The following TSPAN9 variants were observed in gnomAD, a reference collection of about 807,000 sequenced individuals.
TSPAN9 encodes the protein tetraspanin-9.
TSPAN9 carries 16 observed loss-of-function variants against 31.0 expected under a neutral mutation model. The ratio of observed to expected loss-of-function variants is 0.52; its 90% CI spans 0.35 to 0.78. TSPAN9 has a LOEUF of 0.78. TSPAN9 is among the 30% of genes least tolerant of loss of function. The pLI is 0.01. For missense variants in TSPAN9, 272 were observed against 312.5 expected, an observed-to-expected ratio of 0.87 and a Z score of 0.98; for synonymous variants, 145 against 121.6, an observed-to-expected ratio of 1.19 and a Z score of -1.27.
intron 2 of TSPAN9, among the ~76,000 whole-genome samples, chr12:3,115,820 T>G (rs10774120): frequency 3.3e-5 from 5 of 151,856 alleles, no homozygotes; most frequent in African/African-American, 1.2e-4. Context: ...TCTGTAGCAC[T>G]GGGTCATACG....
At chr12:3,262,626 C>T (rs1387341053) in intron 3 of TSPAN9, among the ~76,000 whole-genome samples, 1 of 151,726 alleles carries the variant, frequency 6.6e-6, no homozygotes, top group African/African-American at 2.4e-5. Flanking sequence ...TTATCCTTAC[C>T]GTGTAGGGGT....
chr12:3,136,738 C>T (rs576698577), intron 2 of TSPAN9, among the ~76,000 whole-genome samples: 1 of 152,152 alleles, frequency 6.6e-6, no homozygotes, highest in Non-Finnish European at 1.5e-5. Flanking sequence ...CCTGCCCAGC[C>T]AGTAAGTAAA....
rs1458589905 is a variant in TSPAN9, at chr12:3,143,839, C to T, written c.-17-57338C>T. 6.6e-6 allele frequency among the ~76,000 whole-genome samples: 1 copy of T among 152,186 alleles called. No homozygotes were observed. The highest frequency in any genetic ancestry group is 2.4e-5 in the African/African-American group (1 of 41,438). On this transcript the variant is annotated intron_variant, in intron 2 of 8. Coordinates refer to ENST00000011898, the MANE Select transcript of TSPAN9 (RefSeq NM_006675.5). This position sits in a 1 kb window ranked among gnomAD's most constrained non-coding sequence, Gnocchi z 4.2. ...GGGTCGTGTTATGTTTCTCCTGCCC[C>T]AGGCCTGAATCAATCACTTCTCTAA...
chr12:3,216,175 T>C (rs1188561907), intron 3 of TSPAN9, among the ~76,000 whole-genome samples: 2 of 151,862 alleles, frequency 1.3e-5, no homozygotes, highest in Non-Finnish European at 2.9e-5. Flanking sequence ...CTCTGGGAGC[T>C]GGGGAGTCTG....
intron 3 of TSPAN9, among the ~76,000 whole-genome samples, chr12:3,256,713 G>A (rs928008385): frequency 6.6e-6 from 1 of 152,118 alleles, no homozygotes; most frequent in Non-Finnish European, 1.5e-5. Context: ...TCTTTCGGGG[G>A]ACTACAGAAA....
At chr12:3,154,825 T>G (rs1296579410) in intron 2 of TSPAN9, among the ~76,000 whole-genome samples, 1 of 152,240 alleles carries the variant, frequency 6.6e-6, no homozygotes, top group African/African-American at 2.4e-5. Context: ...CTGCCATGAT[T>G]CCATGACTGC....
chr12:3,150,249 A>G (rs1316916934), intron 2 of TSPAN9, among the ~76,000 whole-genome samples: 1 of 152,044 alleles, frequency 6.6e-6, no homozygotes, highest in African/African-American at 2.4e-5. Flanking sequence ...TACCCTTTTT[A>G]TGTGTATTTG....
rs1217875012 is a variant in TSPAN9, at chr12:3,168,553, G to C, written c.-17-32624G>C. ...TGCCAGAGCTGGGGGGCGGTGGGGA[G>C]CTGACTTACTTTCTCTTTGCCCCCC... On this transcript the variant is annotated intron_variant, in intron 2 of 8. Transcript: ENST00000011898. The surrounding 1 kb of genome is among the most constrained non-coding windows in gnomAD (Gnocchi z 4.0). Among the ~76,000 whole-genome samples, 1 of 152,160 alleles carries C rather than the reference G, an allele frequency of 6.6e-6. No homozygotes were observed. The highest frequency in any genetic ancestry group is 1.5e-5 in the Non-Finnish European group (1 of 68,032).
chr12:3,105,966 C>T (rs534052679), intron 2 of TSPAN9, among the ~76,000 whole-genome samples: 1 of 152,212 alleles, frequency 6.6e-6, no homozygotes, highest in Admixed American at 6.5e-5. Context: ...CTCACGTGCT[C>T]ATTCGTATGT....
chr12:3,182,400 G>A (rs2098358956), intron 2 of TSPAN9, among the ~76,000 whole-genome samples: 1 of 151,982 alleles, frequency 6.6e-6, no homozygotes, highest in Admixed American at 6.6e-5. Context: ...TGATGGCCTT[G>A]TTCTTGGCCT....
chr12:3,226,872 A>G (rs2153975630), intron 3 of TSPAN9, among the ~76,000 whole-genome samples: 1 of 145,156 alleles, frequency 6.9e-6, no homozygotes, highest in African/African-American at 2.6e-5. Context: ...AGCTGGGACA[A>G]CAGGCATACA....
At chr12:3,199,780 C>G (rs962297807) in intron 2 of TSPAN9, among the ~76,000 whole-genome samples, 5 of 152,236 alleles carry the variant, frequency 3.3e-5, no homozygotes, top group African/African-American at 1.2e-4. Flanking sequence ...CGCAGAGGCC[C>G]CCGGCGCTTT....
rs78593284 is a variant in TSPAN9, at chr12:3,099,525, C to T, written c.-18+15806C>T. Among the ~76,000 whole-genome samples, 1,394 of 152,246 alleles carry T rather than the reference C, an allele frequency of 9.2e-3. 27 individuals are homozygous for T. The highest frequency in any genetic ancestry group is 0.032 in the African/African-American group (1,315 of 41,546). ...GGGTTTGTTCTGTTGACTGATTTTT[C>T]TGTTTATGATTTTTCTCCTCCATAT... On this transcript the variant is annotated intron_variant, in intron 2 of 8. Transcript: ENST00000011898.
At chr12:3,145,238 T>C (rs73050153) in intron 2 of TSPAN9, among the ~76,000 whole-genome samples, 25,828 of 152,252 alleles carry the variant, frequency 0.17, 2,435 homozygotes, top group Non-Finnish European at 0.22. Context: ...TCTAGACTCT[T>C]GAGCACGTGC....
intron 3 of TSPAN9, among the ~76,000 whole-genome samples, chr12:3,277,792 C>G (rs1862817161): frequency 6.6e-6 from 1 of 152,194 alleles, no homozygotes; most frequent in South Asian, 2.1e-4. Flanking sequence ...GTGGTGAAGG[C>G]AGCCGTGGAC....
rs534771128 is a variant in TSPAN9, at chr12:3,086,113, G to A, written c.-18+2394G>A. On this transcript the variant is annotated intron_variant, in intron 2 of 8. Transcript: ENST00000011898. ...GTTAATCATTTCAACTTCAATCATAGCCACAGCATAACGAAATGAGAATAT... is the reference window on the plus strand; with the variant it reads ...GTTAATCATTTCAACTTCAATCATAACCACAGCATAACGAAATGAGAATAT... Among the ~76,000 whole-genome samples, 4 of 152,332 alleles carry A rather than the reference G, an allele frequency of 2.6e-5. No homozygotes were observed. In the South Asian group the frequency reaches 8.3e-4, roughly 32 times the overall value.
At chr12:3,182,348 C>T (rs113039024) in intron 2 of TSPAN9, among the ~76,000 whole-genome samples, 1,907 of 152,018 alleles carry the variant, frequency 0.013, 43 homozygotes, top group African/African-American at 0.044. Flanking sequence ...GCTGTTGCTG[C>T]GCCCACCCGA....
At chr12:3,206,484 C>T (rs1021729889) in intron 3 of TSPAN9, 1 of 380,278 alleles carries the variant, frequency 2.6e-6, no homozygotes, top group Non-Finnish European at 5.6e-6. Context: ...CTGACTTGTC[C>T]TTTCCTCCCC....
At chr12:3,223,539 C>G (rs756068511) in intron 3 of TSPAN9, among the ~76,000 whole-genome samples, 1 of 152,208 alleles carries the variant, frequency 6.6e-6, no homozygotes. Context: ...CAAGACCGTC[C>G]TGCAGTACTG....
Sources: gnomAD v4.1 joint callset for allele counts (sites outside exome capture counted in the v4.1 genomes callset) on GRCh38, gnomAD v4.1.1 for gene constraint, Gnocchi (gnomAD v3.1) non-coding constraint, MANE v1.5 for transcripts, NCBI Gene and HGNC (gene_info 2026-07-23, HGNC 2026-07-21) for gene names.